STXBP4: variants seen among roughly 807,000 people sequenced by gnomAD.
STXBP4 encodes the protein syntaxin binding protein 4, also known as syntaxin-binding protein 4.
STXBP4 carries 55 observed loss-of-function variants against 76.1 expected under a neutral mutation model. The observed-to-expected ratio is 0.72, with a 90% CI of 0.58 to 0.91. The LOEUF is 0.91. Ranked by LOEUF, STXBP4 falls within the 40% of genes least tolerant of loss-of-function variation. The pLI is 0.00. For missense variants in STXBP4, 618 were observed against 636.9 expected, an observed-to-expected ratio of 0.97 and a Z score of 0.32; for synonymous variants, 201 against 220.2, an observed-to-expected ratio of 0.91 and a Z score of 0.77.
rs189268326 is a variant in STXBP4, at chr17:55,042,191, C to T, written c.856-1045C>T. 4.0e-4 allele frequency among the ~76,000 whole-genome samples: 61 copies of T among 152,188 alleles called. 1 individual carries two copies. Among genetic ancestry groups the T allele is most frequent in the Middle Eastern group, 6.8e-3 (2 of 294 alleles). On this transcript the variant is annotated intron_variant, in intron 10 of 17. Transcript: ENST00000376352. ...TGAGTTTATTATATCCATTCCACCA[C>T]GTTTTTTGTTGAATCTTTAATAAAA...
chr17:55,076,034 T>A (rs1227374845), intron 13 of STXBP4, among the ~76,000 whole-genome samples: 1 of 152,164 alleles, frequency 6.6e-6, no homozygotes, highest in Non-Finnish European at 1.5e-5. Flanking sequence ...GGATTAGTTG[T>A]CTTTTTCATG....
intron 16 of STXBP4, among the ~76,000 whole-genome samples, chr17:55,098,761 A>G (rs940723215): frequency 6.6e-6 from 1 of 151,974 alleles, no homozygotes; most frequent in African/African-American, 2.4e-5. Flanking sequence ...CACCTCCAGT[A>G]CTCTATTTCA....
chr17:55,153,237 T>G (rs1364564483), intron 17 of STXBP4, among the ~76,000 whole-genome samples: 1 of 152,186 alleles, frequency 6.6e-6, no homozygotes, highest in Non-Finnish European at 1.5e-5. Context: ...TTAGAAACAA[T>G]CAGTATTTAA....
chr17:54,976,810 C>T (rs2077480103), intron 1 of STXBP4, among the ~76,000 whole-genome samples: 1 of 152,108 alleles, frequency 6.6e-6, no homozygotes, highest in African/African-American at 2.4e-5. Flanking sequence ...ATCTGGAAAC[C>T]ATCCCCCACA....
At chr17:55,202,386 G>T in the STXBP4 span, among the ~76,000 whole-genome samples, 2 of 150,898 alleles carry the variant, frequency 1.3e-5, no homozygotes, top group African/African-American at 4.9e-5. Flanking sequence ...GTTACCACAG[G>T]TATTAGTTTA....
At chr17:55,187,429 TAAA>T in the STXBP4 span, among the ~76,000 whole-genome samples, 1 of 143,388 alleles carries the variant, frequency 7.0e-6, no homozygotes. Context: ...GCTTATGATT[TAAA>T]AAAAAAAAAA....
At chr17:55,118,187 A>G (rs2079804586) in intron 16 of STXBP4, among the ~76,000 whole-genome samples, 1 of 152,032 alleles carries the variant, frequency 6.6e-6, no homozygotes, top group Non-Finnish European at 1.5e-5. Context: ...ATCAATATAT[A>G]TATAATTTCA....
chr17:55,158,326 A>G (rs1160342853), intron 17 of STXBP4, among the ~76,000 whole-genome samples: 3 of 152,234 alleles, frequency 2.0e-5, no homozygotes, highest in Non-Finnish European at 2.9e-5. Context: ...CACAATCTTA[A>G]GTAATCGTTG....
intron 1 of STXBP4, among the ~76,000 whole-genome samples, chr17:54,974,325 G>A (rs1346540612): frequency 6.6e-6 from 1 of 152,166 alleles, no homozygotes; most frequent in Non-Finnish European, 1.5e-5. Context: ...GAAAAGGCAG[G>A]GTAATCATTG....
chr17:55,057,011 TAA>T (rs2144803308), intron 12 of STXBP4, among the ~76,000 whole-genome samples: 1 of 152,280 alleles, frequency 6.6e-6, no homozygotes, highest in African/African-American at 2.4e-5. Context: ...GAAAAATAGG[TAA>T]AGTCATTATT....
At position 55,073,027 on chromosome 17, in the gene STXBP4, A is replaced by G. The variant is rs1749678631; in HGVS notation, c.1139A>G (p.Lys380Arg). The G allele has an allele frequency of 1.2e-6, 2 of 1,613,900 alleles. No homozygotes were observed. Among genetic ancestry groups the G allele is most frequent in the South Asian group, 2.2e-5 (2 of 91,066 alleles). ...GAAGTGATCCGTCTGTTAGAGGCCA[A>G]GATTACAGAGCTAAAGGCTCAGCTT... ...YEEVIRLLEA[K>R]ITELKAQLAD... Residue 380 changes from lysine (K) to arginine (R), a missense_variant, in exon 13 of 18, where the codon AAG becomes AGG. Coordinates refer to ENST00000376352, the MANE Select transcript of STXBP4 (RefSeq NM_178509.6).
In STXBP4 at chr17:55,168,006, T is replaced by G. The variant is rs1027933117; in HGVS notation, c.*8095T>G. ...AGCAGATTCTATTTCTTTAGGCAGT[T>G]TTATCATTCAGAGAAGTAATCTATG... On this transcript the variant is annotated 3_prime_UTR_variant, in exon 18 of 18. Transcript: ENST00000376352. The G allele has an allele frequency of 6.6e-6, 1 of 152,162 alleles. No homozygotes were observed. Among genetic ancestry groups the G allele is most frequent in the East Asian group, 1.9e-4 (1 of 5,192 alleles). 9.4% of individuals were successfully genotyped at this position (152,162 alleles called of 1,614,324 possible).
the STXBP4 span, among the ~76,000 whole-genome samples, chr17:55,188,939 T>C: frequency 3.3e-5 from 5 of 152,206 alleles, no homozygotes; most frequent in Non-Finnish European, 5.9e-5. Flanking sequence ...CCGTATTTCA[T>C]TCTTTTTTTA....
At chr17:54,995,295 G>T (rs1170693224) in intron 4 of STXBP4, among the ~76,000 whole-genome samples, 1 of 152,096 alleles carries the variant, frequency 6.6e-6, no homozygotes, top group Non-Finnish European at 1.5e-5. Flanking sequence ...GGGCCTTTGT[G>T]TCAGATTTCC....
At chr17:55,146,739 G>A (rs574316169) in intron 17 of STXBP4, among the ~76,000 whole-genome samples, 31 of 148,446 alleles carry the variant, frequency 2.1e-4, no homozygotes, top group Admixed American at 6.0e-4. Context: ...AAAAAAAAAA[G>A]AGTGGCTTAG....
chr17:55,121,561 G>A (rs244341), intron 16 of STXBP4, among the ~76,000 whole-genome samples: 95,230 of 151,992 alleles, frequency 0.63, 30,489 homozygotes, highest in African/African-American at 0.75. Context: ...AACAAACCTG[G>A]TAACCTTAAT....
At chr17:55,041,693 T>G (rs2078701400) in intron 10 of STXBP4, among the ~76,000 whole-genome samples, 1 of 152,170 alleles carries the variant, frequency 6.6e-6, no homozygotes, top group South Asian at 2.1e-4. Context: ...GGTTGGGGGT[T>G]TGTAGTATGG....
intron 16 of STXBP4, among the ~76,000 whole-genome samples, chr17:55,114,870 C>T (rs244358): frequency 0.2 from 30,888 of 151,722 alleles, 3,759 homozygotes; most frequent in Non-Finnish European, 0.28. Context: ...CTCCCAGAGC[C>T]AACCTTGATT....
rs1442929371 is a variant in STXBP4 at position 55,161,880 on chromosome 17, GT to G, written c.*1970del. 1 of 152,194 alleles carries G rather than the reference GT, an allele frequency of 6.6e-6. No individual in the cohort carries two copies. The highest frequency in any genetic ancestry group is 2.4e-5 in the African/African-American group (1 of 41,452). The allele number at this position is 152,194 out of a possible 1,614,324, so 9.4% of individuals were successfully genotyped here. A position where few individuals can be genotyped will look rare whatever the true frequency, so the allele number is the denominator to read the frequency against. ...TGCCTAAGGGTCACAAAGCACCTAT[GT>G]GTAGAAGCTAGGGTTCAAGGCAGAT... On this transcript the variant is annotated 3_prime_UTR_variant, in exon 18 of 18. Transcript: ENST00000376352.
Sources: gnomAD v4.1 joint callset for allele counts (sites outside exome capture counted in the v4.1 genomes callset) on GRCh38, gnomAD v4.1.1 for gene constraint, MANE v1.5 for transcripts, NCBI Gene and HGNC (gene_info 2026-07-23, HGNC 2026-07-21) for gene names.